The following CBFA2T2 variants were observed in gnomAD, a reference collection of about 807,000 sequenced individuals.
CBFA2T2 encodes protein CBFA2T2.
Under a neutral mutation model 62.2 loss-of-function variants are expected in CBFA2T2, and 11 were observed. The observed-to-expected ratio is 0.18, with a 90% CI of 0.11 to 0.29. The LOEUF is 0.29. Ranked by LOEUF, CBFA2T2 falls within the 10% of genes least tolerant of loss-of-function variation. The pLI, the probability that CBFA2T2 is intolerant of heterozygous loss-of-function variation, is 1.00. For synonymous variants in CBFA2T2, 295 were observed against 287.5 expected (o/e 1.03, Z -0.27); for missense variants, 592 against 774.1 (o/e 0.76, Z 2.79).
intron 1 of CBFA2T2, among the ~76,000 whole-genome samples, chr20:33,536,623 C>T (rs568935877): frequency 2.7e-5 from 4 of 147,242 alleles, no homozygotes; most frequent in East Asian, 2.1e-4. Context: ...TCAGACGGGG[C>T]GGTTGCCAGG....
chr20:33,540,364 A>G (rs906756296), intron 1 of CBFA2T2, among the ~76,000 whole-genome samples: 107 of 152,308 alleles, frequency 7.0e-4, no homozygotes, highest in Non-Finnish European at 4.4e-5. Context: ...CTACACACCT[A>G]GGATATATGT....
chr20:33,581,244 A>G (rs1417680665), intron 1 of CBFA2T2, among the ~76,000 whole-genome samples: 2 of 152,000 alleles, frequency 1.3e-5, no homozygotes, highest in Non-Finnish European at 2.9e-5. Flanking sequence ...TTTTTAGTAG[A>G]GATGGGGTTT....
intron 8 of CBFA2T2, among the ~76,000 whole-genome samples, chr20:33,631,873 A>T (rs1334204132): frequency 6.6e-6 from 1 of 152,206 alleles, no homozygotes; most frequent in East Asian, 1.9e-4. Flanking sequence ...TTACTTGTCC[A>T]TTTTAGTATA....
chr20:33,545,155 A>C (rs990187816), intron 1 of CBFA2T2, among the ~76,000 whole-genome samples: 1 of 152,202 alleles, frequency 6.6e-6, no homozygotes, highest in Non-Finnish European at 1.5e-5. Flanking sequence ...AATAATAAGC[A>C]TTTAAACTTT....
intron 1 of CBFA2T2, among the ~76,000 whole-genome samples, chr20:33,549,825 C>T (rs956017608): frequency 2.8e-4 from 42 of 149,346 alleles, no homozygotes; most frequent in Non-Finnish European, 1.0e-4. Context: ...CAGCACATGT[C>T]TGCAGATGGC....
intron 1 of CBFA2T2, among the ~76,000 whole-genome samples, chr20:33,493,800 C>T (rs971438078): frequency 5.3e-5 from 8 of 152,292 alleles, no homozygotes; most frequent in Middle Eastern, 3.4e-3. Context: ...CATACCTGGC[C>T]ACCTAAAATG....
At chr20:33,504,411 T>C (rs1403358612) in intron 1 of CBFA2T2, among the ~76,000 whole-genome samples, 2 of 149,414 alleles carry the variant, frequency 1.3e-5, no homozygotes, top group African/African-American at 4.9e-5. Flanking sequence ...AACTTTTTTT[T>C]TTTTTTTTTT....
At chr20:33,623,563 T>A (rs533571491) in intron 5 of CBFA2T2, among the ~76,000 whole-genome samples, 9 of 83,524 alleles carry the variant, frequency 1.1e-4, no homozygotes, top group East Asian at 5.9e-4. Context: ...CAGCTAATGT[T>A]TGTTTGTTTG....
intron 1 of CBFA2T2, among the ~76,000 whole-genome samples, chr20:33,560,262 T>A (rs1366199539): frequency 6.6e-6 from 1 of 152,226 alleles, no homozygotes; most frequent in Non-Finnish European, 1.5e-5. Flanking sequence ...ACATGGTAGC[T>A]GGCTTCCTTG....
chr20:33,544,955 T>C (rs199662904), intron 1 of CBFA2T2, among the ~76,000 whole-genome samples: 657 of 50,710 alleles, frequency 0.013, 7 homozygotes, highest in African/African-American at 0.033. Flanking sequence ...CAGAATAGAA[T>C]AGAATAGAAT....
intron 1 of CBFA2T2, among the ~76,000 whole-genome samples, chr20:33,559,926 T>C (rs2013031703): frequency 6.6e-6 from 1 of 152,248 alleles, no homozygotes; most frequent in Non-Finnish European, 1.5e-5. Flanking sequence ...TGACAAGTTT[T>C]GTACATTTTC....
At chr20:33,545,310 G>T (rs190115317) in intron 1 of CBFA2T2, among the ~76,000 whole-genome samples, 16 of 152,216 alleles carry the variant, frequency 1.1e-4, no homozygotes, top group Admixed American at 4.6e-4. Context: ...GATAATTTTT[G>T]ATCTTAATTC....
In CBFA2T2 at chr20:33,623,307, G is replaced by C. The variant is rs771359510; in HGVS notation, c.692+11G>C. ...GCCCAGTCCAGAGAGGTGAGCAGAT[G>C]AGCTTTGCTGTCCTTGCCTTCCTGG... is the stretch of plus-strand genomic sequence containing the variant. On this transcript the variant is annotated intron_variant, in intron 5 of 10. Transcript: ENST00000342704. 2 of 1,614,054 alleles carry C rather than the reference G, an allele frequency of 1.2e-6. No homozygotes were observed. The highest frequency in any genetic ancestry group is 3.3e-5 in the Admixed American group (2 of 60,034).
At chr20:33,570,869 G>A (rs2013534065) in intron 1 of CBFA2T2, among the ~76,000 whole-genome samples, 2 of 152,162 alleles carry the variant, frequency 1.3e-5, no homozygotes, top group Non-Finnish European at 2.9e-5. Flanking sequence ...AAGTTTTCTT[G>A]CACTGTGAAT....
intron 1 of CBFA2T2, among the ~76,000 whole-genome samples, chr20:33,496,981 G>A (rs1343276763): frequency 6.6e-6 from 1 of 152,050 alleles, no homozygotes; most frequent in African/African-American, 2.4e-5. Flanking sequence ...TTCTCTAAAT[G>A]TGGTCCTCTC....
intron 7 of CBFA2T2, among the ~76,000 whole-genome samples, chr20:33,628,934 C>T (rs1672651534): frequency 6.6e-6 from 1 of 152,172 alleles, no homozygotes; most frequent in Admixed American, 6.5e-5. Context: ...CACTTCAGGT[C>T]AGAAACCAAA....
At position 33,611,197 on chromosome 20, in the gene CBFA2T2, A is replaced by G. The variant is rs1601062190; in HGVS notation, c.282A>G (p.Thr94=). ...GPASSTSSAL[T]NQQLPATCGA... is the part of the protein sequence containing the mutation. ...CCTCCTCCACATCATCTGCACTCACAAATCAGCAATTGCCAGCCACTTGTG... is the reference window on the plus strand; with the variant it reads ...CCTCCTCCACATCATCTGCACTCACGAATCAGCAATTGCCAGCCACTTGTG... Residue 94 remains threonine (T), a synonymous_variant, in exon 3 of 11, where the codon ACA becomes ACG. Coordinates refer to ENST00000342704, the MANE Select transcript of CBFA2T2 (RefSeq NM_001032999.3). The G allele has an allele frequency of 1.2e-6, 2 of 1,614,168 alleles. No homozygotes were observed. The highest frequency in any genetic ancestry group is 1.3e-5 in the African/African-American group (1 of 75,038).
rs188006876 is a variant in CBFA2T2, at chr20:33,542,790, A to G, written c.34+52489A>G. 1.5e-3 allele frequency among the ~76,000 whole-genome samples: 232 copies of G among 151,244 alleles called. 1 individual carries two copies. Among genetic ancestry groups the G allele is most frequent in the African/African-American group, 5.4e-3 (223 of 41,182 alleles). On this transcript the variant is annotated intron_variant, in intron 1 of 10. Coordinates refer to ENST00000342704, the MANE Select transcript of CBFA2T2 (RefSeq NM_001032999.3). ...AGGCTCAAGTGGTCCTCCCACCTCA[A>G]CCTCCCGGGAAGCTGGGACTACAGG...
rs1408423913 is a variant in CBFA2T2, at chr20:33,647,879, C to T, written c.*3233C>T. On this transcript the variant is annotated 3_prime_UTR_variant, in exon 11 of 11. Transcript: ENST00000342704. ...TCCACACTGAAGCTCAGTTTGCAAACCTTCTGCTGTGTTAATTCTGGTCAG... is the reference window on the plus strand; with the variant it reads ...TCCACACTGAAGCTCAGTTTGCAAATCTTCTGCTGTGTTAATTCTGGTCAG... 6.6e-6 allele frequency: 1 copy of T among 152,260 alleles called. No homozygotes were observed. Among genetic ancestry groups the T allele is most frequent in the Non-Finnish European group, 1.5e-5 (1 of 68,062 alleles). 9.4% of individuals were successfully genotyped at this position (152,260 alleles called of 1,614,324 possible).
Sources: gnomAD v4.1 joint callset for allele counts (sites outside exome capture counted in the v4.1 genomes callset) on GRCh38, gnomAD v4.1.1 for gene constraint, MANE v1.5 for transcripts, NCBI Gene and HGNC (gene_info 2026-07-23, HGNC 2026-07-21) for gene names.